The following PIK3R2 variants were observed in gnomAD, a reference collection of about 807,000 sequenced individuals.
PIK3R2 encodes the protein phosphatidylinositol 3-kinase regulatory subunit beta.
In PIK3R2, 40 loss-of-function variants were observed where a neutral mutation model predicts 78.5. The ratio of observed to expected loss-of-function variants is 0.51; its 90% CI spans 0.40 to 0.66. The LOEUF is 0.66. Ranked by LOEUF, PIK3R2 falls within the 30% of genes least tolerant of loss-of-function variation. PIK3R2 has a pLI of 0.00. For synonymous variants in PIK3R2, 473 were observed against 457.7 expected (o/e 1.03, Z -0.43); for missense variants, 880 against 1,026.6 (o/e 0.86, Z 1.95).
Position 18,170,275 on chromosome 19 carries a change from A to G in PIK3R2, c.*981A>G, listed in dbSNP as rs1967155678. 1 of 152,314 alleles carries G rather than the reference A, an allele frequency of 6.6e-6. No homozygotes were observed. Among genetic ancestry groups the G allele is most frequent in the Non-Finnish European group, 1.5e-5 (1 of 68,092 alleles). The allele number at this position is 152,314 out of a possible 1,614,324, so 9.4% of individuals were successfully genotyped here. Reference sequence around the variant, plus strand: ...CCTCCTAGGAATCACAGCTCCCCGTACTGGTGCCGCCGCAGTGGCCAAGTT... The same window carrying G: ...CCTCCTAGGAATCACAGCTCCCCGTGCTGGTGCCGCCGCAGTGGCCAAGTT... On this transcript the variant is annotated 3_prime_UTR_variant, in exon 16 of 16. Coordinates refer to ENST00000222254, the MANE Select transcript of PIK3R2 (RefSeq NM_005027.4).
At position 18,155,533 on chromosome 19, in the gene PIK3R2, G is replaced by A. The variant is rs1462522237; in HGVS notation, c.-347G>A. The A allele has an allele frequency of 1.1e-5, 5 of 441,002 alleles. No individual in the cohort carries two copies. The highest frequency in any genetic ancestry group is 3.5e-5 in the East Asian group (1 of 28,300). The allele number at this position is 441,002 out of a possible 1,614,324, so 27.3% of individuals were successfully genotyped here. A position where few individuals can be genotyped will look rare whatever the true frequency, so the allele number is the denominator to read the frequency against. Reference sequence around the variant, plus strand: ...CTTGTCTGGTGCAGCCAGCAGAGCCGCCAGCCTTGGGCGCCCATGGCCCTC... The same window carrying A: ...CTTGTCTGGTGCAGCCAGCAGAGCCACCAGCCTTGGGCGCCCATGGCCCTC... On this transcript the variant is annotated 5_prime_UTR_variant, in exon 2 of 16. Transcript: ENST00000222254.
rs373521323 is a variant in PIK3R2, at chr19:18,168,704, C to T, written c.1809-22C>T. The T allele has an allele frequency of 3.3e-5, 53 of 1,598,836 alleles. No homozygotes were observed. Among genetic ancestry groups the T allele is most frequent in the Non-Finnish European group, 4.4e-5 (51 of 1,167,834 alleles). ...GGCAGGTGAGTGACCAGGGCCCTCC[C>T]CGCCACCGCCCCCCACCCCAGCCAG... On this transcript the variant is annotated intron_variant, in intron 14 of 15. Coordinates refer to ENST00000222254, the MANE Select transcript of PIK3R2 (RefSeq NM_005027.4). This position sits in a 1 kb window ranked among gnomAD's most constrained non-coding sequence, Gnocchi z 4.1.
chr19:18,164,882 T>C (rs940594371), intron 11 of PIK3R2, among the ~76,000 whole-genome samples: 6 of 140,688 alleles, frequency 4.3e-5, no homozygotes, highest in Non-Finnish European at 9.2e-5. Context: ...GTGATCTGGC[T>C]GCCTCGGCCT....
chr19:18,167,072 G>GTGC lies in PIK3R2; in HGVS notation c.1560-58_1560-57insTGC. 7.0e-7 allele frequency: 1 copy of GTGC among 1,424,070 alleles called. No homozygotes were observed. Among genetic ancestry groups the GTGC allele is most frequent in the South Asian group, 1.5e-5 (1 of 67,084 alleles). 88.2% of individuals were successfully genotyped at this position (1,424,070 alleles called of 1,614,324 possible). On this transcript the variant is annotated intron_variant, in intron 12 of 15. Coordinates refer to ENST00000222254, the MANE Select transcript of PIK3R2 (RefSeq NM_005027.4). The surrounding 1 kb of genome is among the most constrained non-coding windows in gnomAD (Gnocchi z 4.5). ...GGTCACCTGAGCCCAGGAGTTTGAG[G>GTGC]GTGCAGTGAGCCGAGATAAAACCCT... is the stretch of plus-strand genomic sequence containing the variant.
chr19:18,159,686 CT>C (rs2043720673), intron 2 of PIK3R2, among the ~76,000 whole-genome samples: 1 of 151,954 alleles, frequency 6.6e-6, no homozygotes, highest in Admixed American at 6.6e-5. Flanking sequence ...CTCAAGTGAC[CT>C]GCTGGTCTCA....
Position 18,161,755 on chromosome 19 carries a change from C to T in PIK3R2, c.816-211C>T, listed in dbSNP as rs754512868. On this transcript the variant is annotated intron_variant, in intron 6 of 15. Coordinates refer to ENST00000222254, the MANE Select transcript of PIK3R2 (RefSeq NM_005027.4). The surrounding 1 kb of genome is among the most constrained non-coding windows in gnomAD (Gnocchi z 5.3). ...CGTCGCAGCTCCGGTACTGGTCTCT[C>T]GCTCGCCTTTGTGTGAGAATCTATG... Among the ~76,000 whole-genome samples, 1 of 152,190 alleles carries T rather than the reference C, an allele frequency of 6.6e-6. No individual in the cohort carries two copies. Among genetic ancestry groups the T allele is most frequent in the Admixed American group, 6.5e-5 (1 of 15,284 alleles).
rs1335869504 is a variant in PIK3R2 at position 18,167,420 on chromosome 19, C to T, written c.1736+114C>T. 1.4e-5 allele frequency: 13 copies of T among 900,490 alleles called. No homozygotes were observed. The highest frequency in any genetic ancestry group is 1.8e-5 in the African/African-American group (1 of 57,060). The allele number at this position is 900,490 out of a possible 1,614,324, so 55.8% of individuals were successfully genotyped here. A position where few individuals can be genotyped will look rare whatever the true frequency, so the allele number is the denominator to read the frequency against. ...CCACCAAGTGGCCCTTCCTGGGCCC[C>T]GAGACCCCTTAAACTCGGTTCCTCC... On this transcript the variant is annotated intron_variant, in intron 13 of 15. Transcript: ENST00000222254. This position sits in a 1 kb window ranked among gnomAD's most constrained non-coding sequence, Gnocchi z 4.5.
intron 2 of PIK3R2, among the ~76,000 whole-genome samples, chr19:18,158,924 C>T (rs2043710132): frequency 6.6e-6 from 1 of 152,104 alleles, no homozygotes; most frequent in South Asian, 2.1e-4. Context: ...CTCCTGCAAC[C>T]TCTGCCTCTC....
At chr19:18,162,557 C>A in intron 9 of PIK3R2, 51 bp downstream of exon 9, 1 of 1,501,620 alleles carries the variant, frequency 6.7e-7, no homozygotes, top group African/African-American at 1.4e-5. Flanking sequence ...TCACAGAGAC[C>A]GGGAGTTCAG....
At chr19:18,159,884 G>A (rs573636765) in intron 2 of PIK3R2, among the ~76,000 whole-genome samples, 17 of 152,066 alleles carry the variant, frequency 1.1e-4, no homozygotes, top group African/African-American at 4.1e-4. Flanking sequence ...TGGGATTACA[G>A]GCACCCACCA....
rs906967972 is a variant in PIK3R2, at chr19:18,170,499, G to A, written c.*1205G>A. 2 of 152,126 alleles carry A rather than the reference G, an allele frequency of 1.3e-5. No homozygotes were observed. Among genetic ancestry groups the A allele is most frequent in the Admixed American group, 6.6e-5 (1 of 15,262 alleles). The allele number at this position is 152,126 out of a possible 1,614,324, so 9.4% of individuals were successfully genotyped here. A position where few individuals can be genotyped will look rare whatever the true frequency, so the allele number is the denominator to read the frequency against. ...CTGGGAGGCAGGTTTTGTACGGTAC[G>A]TTGTTATTGATATGATATAAAACAT... On this transcript the variant is annotated 3_prime_UTR_variant, in exon 16 of 16. Transcript: ENST00000222254.
rs530000773 is a variant in PIK3R2, at chr19:18,162,366, C to G, written c.1011-42C>G. On this transcript the variant is annotated intron_variant, in intron 8 of 15. Coordinates refer to ENST00000222254, the MANE Select transcript of PIK3R2 (RefSeq NM_005027.4). ...GGAGGTGTCACAGGGTGAGCGGGGT[C>G]TCCAGGTGGCTCGGCAGTCCCAATG... 74 of 1,601,644 alleles carry G rather than the reference C, an allele frequency of 4.6e-5. No individual in the cohort carries two copies. The African/African-American group carries it at 7.8e-4, about 17-fold the overall frequency.
chr19:18,158,077 T>G (rs1291707843), intron 2 of PIK3R2, among the ~76,000 whole-genome samples: 1 of 152,168 alleles, frequency 6.6e-6, no homozygotes, highest in Non-Finnish European at 1.5e-5. Context: ...AAGAAATAAT[T>G]TTTTAGAAGC....
intron 12 of PIK3R2, among the ~76,000 whole-genome samples, chr19:18,166,570 G>A (rs1339661466): frequency 6.6e-6 from 1 of 152,008 alleles, no homozygotes; most frequent in Non-Finnish European, 1.5e-5. Context: ...AATTAGCTAG[G>A]CATGATGGTG....
At position 18,155,967 on chromosome 19, in the gene PIK3R2, G is replaced by A. The variant is rs776879214; in HGVS notation, c.88G>A (p.Val30Met). The A allele has an allele frequency of 7.0e-6, 11 of 1,565,628 alleles. No individual in the cohort carries two copies. The highest frequency in any genetic ancestry group is 2.3e-5 in the South Asian group (2 of 85,416). Reference sequence around the variant, plus strand: ...GGACCTGGAGCTGCTGCCCGGCGACGTGCTGGTAGTGAGCCGGGCGGCCTT... The same window carrying A: ...GGACCTGGAGCTGCTGCCCGGCGACATGCTGGTAGTGAGCCGGGCGGCCTT... ...PEDLELLPGD[V>M]LVVSRAALQA... The change falls in exon 2 of 16, where the codon GTG becomes ATG. Residue 30 changes from valine (V) to methionine (M), a missense_variant. Around this residue, in one of 3 missense-constraint regions of PIK3R2, gnomAD observed 456 missense variants for 486.6 expected, o/e 0.94. Transcript: ENST00000222254.
chr19:18,160,966 A>C lies in PIK3R2; in HGVS notation c.463A>C (p.Thr155Pro), dbSNP rs1568635503. The C allele has an allele frequency of 6.2e-7, 1 of 1,612,678 alleles. No individual in the cohort carries two copies. Among genetic ancestry groups the C allele is most frequent in the Non-Finnish European group, 8.5e-7 (1 of 1,179,744 alleles). The change falls in exon 4 of 16, where the codon ACA becomes CCA. Residue 155 changes from threonine to proline, a missense_variant. Physicochemically the swap from Thr to Pro is conservative, Grantham distance 38. Coordinates refer to ENST00000222254, the MANE Select transcript of PIK3R2 (RefSeq NM_005027.4). Reference sequence around the variant, plus strand: ...CCGCCCGGAGCTGCCCGCACCGCGTACAGGTGAAGGGGAGCCTCAATGGGG... The same window carrying C: ...CCGCCCGGAGCTGCCCGCACCGCGTCCAGGTGAAGGGGAGCCTCAATGGGG... The part of the protein sequence containing the change: ...HYRPELPAPR[T>P]DWSLSDVDQW...
At chr19:18,155,196 C>CAAAAA (rs34249019) in intron 1 of PIK3R2, among the ~76,000 whole-genome samples, 1 of 109,254 alleles carries the variant, frequency 9.2e-6, no homozygotes, top group Non-Finnish European at 1.8e-5. Context: ...GACTCTATCT[C>CAAAAA]AAAAAAAAAA....
chr19:18,161,325 G>A lies in PIK3R2; in HGVS notation c.645G>A (p.Pro215=), dbSNP rs2043742103. 4 of 1,332,230 alleles carry A rather than the reference G, an allele frequency of 3.0e-6. 1 individual carries two copies. The highest frequency in any genetic ancestry group is 3.2e-5 in the East Asian group (1 of 31,652). The allele number at this position is 1,332,230 out of a possible 1,614,324, so 82.5% of individuals were successfully genotyped here. ...CGGCGCTGGAGCCACCGACGCTGCC[G>A]CTGCACCGCGCGCTCACGCTGCGCT... ...VGPALEPPTL[P]LHRALTLRFL... Residue 215 remains proline (P), a synonymous_variant, in exon 6 of 16, where the codon CCG becomes CCA. Coordinates refer to ENST00000222254, the MANE Select transcript of PIK3R2 (RefSeq NM_005027.4). The surrounding 1 kb of genome is among the most constrained non-coding windows in gnomAD (Gnocchi z 5.3).
At chr19:18,163,839 G>T (rs1254073882) in intron 11 of PIK3R2, among the ~76,000 whole-genome samples, 1 of 47,988 alleles carries the variant, frequency 2.1e-5, no homozygotes, top group Non-Finnish European at 5.1e-5. Context: ...AGAAATAAGC[G>T]TACGAGGCTG....
Sources: gnomAD v4.1 joint callset for allele counts (sites outside exome capture counted in the v4.1 genomes callset) on GRCh38, gnomAD v4.1.1 for gene constraint, gnomAD v4.1.1 regional missense constraint, Gnocchi (gnomAD v3.1) non-coding constraint, MANE v1.5 for transcripts, NCBI Gene and HGNC (gene_info 2026-07-23, HGNC 2026-07-21) for gene names.